Variants in TRHDE observed in about 807,000 individuals in gnomAD.
TRHDE encodes thyrotropin releasing hormone degrading enzyme, also known as thyrotropin-releasing hormone-degrading ectoenzyme.
A neutral mutation model predicts 125.7 loss-of-function variants in TRHDE; 72 were observed. The observed-to-expected ratio is 0.57, with a 90% CI of 0.47 to 0.70. The LOEUF is 0.70. TRHDE is among the 30% of genes least tolerant of loss of function. The pLI is 0.00. For missense variants in TRHDE, 1,110 were observed against 1,327.1 expected, an observed-to-expected ratio of 0.84 and a Z score of 2.54; for synonymous variants, 509 against 509.1, an observed-to-expected ratio of 1.00 and a Z score of 0.00.
chr12:72,430,457 G>GTA lies in TRHDE; in HGVS notation c.1316-39292_1316-39291dup, dbSNP rs545227306. ...TATATACACACACGTATATATATGTGTATATATATACACACATATATATAT... is the reference window on the plus strand; with the variant it reads ...TATATACACACACGTATATATATGTGTATATATATATACACACATATATATAT... On this transcript the variant is annotated intron_variant, in intron 3 of 18. Coordinates refer to ENST00000261180, the MANE Select transcript of TRHDE (RefSeq NM_013381.3). 6.8e-5 allele frequency among the ~76,000 whole-genome samples: 10 copies of GTA among 146,704 alleles called. No individual in the cohort carries two copies. In the South Asian group the frequency reaches 1.3e-3, roughly 19 times the overall value.
intron 15 of TRHDE, among the ~76,000 whole-genome samples, chr12:72,624,637 G>T (rs1462387525): frequency 6.6e-6 from 1 of 151,886 alleles, no homozygotes; most frequent in African/African-American, 2.4e-5. Context: ...GCAGCAGAAA[G>T]AAAAATTCAC....
chr12:72,466,122 C>A (rs1020964825), intron 3 of TRHDE, among the ~76,000 whole-genome samples: 1 of 152,160 alleles, frequency 6.6e-6, no homozygotes, highest in Non-Finnish European at 1.5e-5. Flanking sequence ...GTCACCAGTG[C>A]CTGATATCTT....
At chr12:72,337,216 C>A (rs920902043) in intron 2 of TRHDE, among the ~76,000 whole-genome samples, 4 of 152,134 alleles carry the variant, frequency 2.6e-5, no homozygotes, top group African/African-American at 9.7e-5. Context: ...AGACAAGTCT[C>A]AGGAGTGTCA....
At chr12:72,508,697 G>A (rs1878456613) in intron 6 of TRHDE, among the ~76,000 whole-genome samples, 1 of 152,146 alleles carries the variant, frequency 6.6e-6, no homozygotes, top group Non-Finnish European at 1.5e-5. Context: ...TTAGGGGACT[G>A]CTGGGAAAGC....
At chr12:72,247,963 A>C (rs1450557201) in intron 2 of TRHDE, among the ~76,000 whole-genome samples, 2 of 152,030 alleles carry the variant, frequency 1.3e-5, no homozygotes, top group African/African-American at 4.8e-5. Context: ...TCAATCTGTC[A>C]TATCTATCAT....
intron 15 of TRHDE, among the ~76,000 whole-genome samples, chr12:72,637,795 T>G (rs1269257968): frequency 6.6e-6 from 1 of 152,248 alleles, no homozygotes; most frequent in African/African-American, 2.4e-5. Flanking sequence ...TTGTTCAGTT[T>G]CCATGTAGTT....
chr12:72,222,581 G>A (rs967597218), intron 2 of TRHDE, among the ~76,000 whole-genome samples: 7 of 152,130 alleles, frequency 4.6e-5, no homozygotes, highest in African/African-American at 1.7e-4. Flanking sequence ...GTTCCAAGGT[G>A]ATATTGATGC....
In TRHDE at chr12:72,093,827, C is replaced by A. The variant is rs150391615; in HGVS notation, n.174+6388C>A. Among the ~76,000 whole-genome samples, 673 of 150,840 alleles carry A rather than the reference C, an allele frequency of 4.5e-3. 3 individuals carry two copies. The highest frequency in any genetic ancestry group is 0.016 in the African/African-American group (652 of 40,992). ...ATTTTTCAGCTCATTTGTAGATCTC[C>A]TTTTCTTTGGGGTCAGTTACTAAAG... On this transcript the variant is annotated intron_variant and non_coding_transcript_variant, in intron 1 of 4. Coordinates refer to the TRHDE transcript ENST00000548156.
At chr12:72,618,397 A>G (rs1592575609) in intron 12 of TRHDE, among the ~76,000 whole-genome samples, 2 of 152,168 alleles carry the variant, frequency 1.3e-5, no homozygotes, top group East Asian at 3.9e-4. Context: ...GGTTTGAAAA[A>G]CATGCTAATA....
chr12:72,341,276 G>C (rs11179159), intron 2 of TRHDE, among the ~76,000 whole-genome samples: 18,868 of 151,080 alleles, frequency 0.12, 1,774 homozygotes, highest in East Asian at 0.46. Context: ...AATGCTATCC[G>C]TCCCCCAGCC....
At chr12:72,362,603 A>G (rs1425249532) in intron 2 of TRHDE, among the ~76,000 whole-genome samples, 1 of 150,212 alleles carries the variant, frequency 6.7e-6, no homozygotes, top group Non-Finnish European at 1.5e-5. Context: ...TTTTGTTGCC[A>G]TTGCTTTTGG....
At chr12:72,107,624 C>T (rs560601430) in intron 2 of TRHDE, among the ~76,000 whole-genome samples, 89 of 152,160 alleles carry the variant, frequency 5.8e-4, no homozygotes, top group Non-Finnish European at 9.4e-4. Flanking sequence ...ATTGCTACAG[C>T]CTGGAGCTAA....
intron 2 of TRHDE, chr12:72,262,926 A>C (rs1878983525): frequency 6.6e-6 from 1 of 152,174 alleles, no homozygotes; most frequent in Admixed American, 6.6e-5. Flanking sequence ...AGAAATGTCA[A>C]GAAAATCTTT....
At chr12:72,373,722 A>G (rs1366083951) in intron 2 of TRHDE, among the ~76,000 whole-genome samples, 3 of 152,196 alleles carry the variant, frequency 2.0e-5, no homozygotes, top group Non-Finnish European at 4.4e-5. Flanking sequence ...CCATGGGGCT[A>G]TCTAGGGGAA....
chr12:72,264,905 G>GTTT (rs35818955), intron 2 of TRHDE, among the ~76,000 whole-genome samples: 38 of 144,882 alleles, frequency 2.6e-4, no homozygotes, highest in Admixed American at 2.2e-3. Flanking sequence ...TAGGTTCATT[G>GTTT]TTTTTTTTTT....
intron 6 of TRHDE, among the ~76,000 whole-genome samples, chr12:72,533,486 T>C (rs964241518): frequency 1.3e-5 from 2 of 152,252 alleles, no homozygotes; most frequent in Middle Eastern, 3.4e-3. Flanking sequence ...AATTATTTCT[T>C]CTAATCTGAG....
intron 2 of TRHDE, among the ~76,000 whole-genome samples, chr12:72,164,942 C>T (rs1183856721): frequency 1.3e-5 from 2 of 152,202 alleles, no homozygotes; most frequent in African/African-American, 2.4e-5. Flanking sequence ...CAGGGTCATT[C>T]TAAGGGTATG....
At chr12:72,359,559 A>G (rs528337452) in intron 2 of TRHDE, among the ~76,000 whole-genome samples, 2 of 151,866 alleles carry the variant, frequency 1.3e-5, no homozygotes, top group Admixed American at 1.3e-4. Flanking sequence ...TATGGTAACA[A>G]CAAACCATAA....
chr12:72,366,077 C>T (rs919085378), intron 2 of TRHDE, among the ~76,000 whole-genome samples: 10 of 152,076 alleles, frequency 6.6e-5, no homozygotes, highest in Non-Finnish European at 8.8e-5. Context: ...CTCTTTCTGC[C>T]TCCCCCTTAT....
Sources: allele counts gnomAD v4.1 joint callset (sites outside exome capture counted in the v4.1 genomes callset), GRCh38; gene constraint gnomAD v4.1.1; transcripts MANE v1.5; gene names NCBI Gene and HGNC (gene_info 2026-07-23, HGNC 2026-07-21).